The following HIVEP3 variants were observed in gnomAD, a reference collection of about 807,000 sequenced individuals.
The protein encoded by HIVEP3 is HIVEP zinc finger 3.
Under a neutral mutation model 152.8 loss-of-function variants are expected in HIVEP3, and 49 were observed. The ratio of observed to expected loss-of-function variants is 0.32; its 90% CI spans 0.26 to 0.41. The LOEUF (loss-of-function observed/expected upper bound fraction) is 0.41. HIVEP3 is among the 10% of genes least tolerant of loss of function. The pLI is 1.00. For missense variants in HIVEP3, 2,790 were observed against 3,103.3 expected, an observed-to-expected ratio of 0.90 and a Z score of 2.40; for synonymous variants, 1,269 against 1,289.0, an observed-to-expected ratio of 0.98 and a Z score of 0.33.
intron 1 of HIVEP3, among the ~76,000 whole-genome samples, chr1:41,739,854 A>G (rs1646971436): frequency 6.6e-6 from 1 of 152,234 alleles, no homozygotes; most frequent in Non-Finnish European, 1.5e-5. Flanking sequence ...AGTGTGCTTC[A>G]GAAGAGAGCA....
At chr1:41,997,528 G>GA (rs1340836478) in intron 1 of HIVEP3, among the ~76,000 whole-genome samples, 3 of 152,200 alleles carry the variant, frequency 2.0e-5, no homozygotes, top group African/African-American at 4.8e-5. Context: ...TTGAAGCCAA[G>GA]AAAATCTTAC....
intron 1 of HIVEP3, among the ~76,000 whole-genome samples, chr1:41,859,865 A>G (rs890246094): frequency 4.6e-5 from 7 of 152,210 alleles, no homozygotes; most frequent in Non-Finnish European, 1.0e-4. Flanking sequence ...GCCCGTTTTC[A>G]TAATTAGATG....
chr1:41,678,348 C>T (rs557856959), intron 2 of HIVEP3, among the ~76,000 whole-genome samples: 1 of 152,326 alleles, frequency 6.6e-6, no homozygotes, highest in Admixed American at 6.5e-5. Context: ...CTCCCCACTC[C>T]TCAGCTTAAC....
chr1:41,588,554 C>T (rs1425597702), intron 3 of HIVEP3, among the ~76,000 whole-genome samples: 1 of 151,914 alleles, frequency 6.6e-6, no homozygotes, highest in African/African-American at 2.4e-5. Flanking sequence ...AGGAGACAGT[C>T]AGATGACTGC....
chr1:41,815,292 A>G (rs1182652983), intron 1 of HIVEP3, among the ~76,000 whole-genome samples: 1 of 152,062 alleles, frequency 6.6e-6, no homozygotes, highest in African/African-American at 2.4e-5. Context: ...TGGGCAACAT[A>G]GTGGGACCCT....
chr1:41,637,779 A>G (rs1296894392), intron 2 of HIVEP3, among the ~76,000 whole-genome samples: 1 of 152,236 alleles, frequency 6.6e-6, no homozygotes, highest in Non-Finnish European at 1.5e-5. Context: ...CTAAGCATGT[A>G]TCACTTTTGT....
At chr1:41,951,035 T>C (rs111957424) in intron 1 of HIVEP3, among the ~76,000 whole-genome samples, 3 of 152,324 alleles carry the variant, frequency 2.0e-5, no homozygotes, top group African/African-American at 7.2e-5. Flanking sequence ...TGCAATCCCC[T>C]AGTTTCTGCT....
chr1:41,734,368 C>T (rs548869573), intron 1 of HIVEP3, among the ~76,000 whole-genome samples: 1 of 152,230 alleles, frequency 6.6e-6, no homozygotes, highest in Non-Finnish European at 1.5e-5. Flanking sequence ...CATGGCCCAG[C>T]GTTTGGCCCA....
intron 1 of HIVEP3, among the ~76,000 whole-genome samples, chr1:41,906,550 T>C (rs1195462680): frequency 6.6e-6 from 1 of 152,126 alleles, no homozygotes. Context: ...ACGAACTAAG[T>C]GTGACAGGCA....
At chr1:41,937,797 T>C (rs1352512020) in intron 1 of HIVEP3, among the ~76,000 whole-genome samples, 1 of 152,184 alleles carries the variant, frequency 6.6e-6, no homozygotes, top group Non-Finnish European at 1.5e-5. Context: ...GATTGGACAT[T>C]CTAGCACTTG....
chr1:41,974,804 C>T (rs1451151726), intron 1 of HIVEP3, among the ~76,000 whole-genome samples: 1 of 152,100 alleles, frequency 6.6e-6, no homozygotes, highest in Non-Finnish European at 1.5e-5. Context: ...GAGGCCGTAC[C>T]TATGGTAGTC....
chr1:41,920,271 G>A (rs1031298384), upstream of HIVEP3, among the ~76,000 whole-genome samples: 3 of 152,084 alleles, frequency 2.0e-5, no homozygotes, highest in Non-Finnish European at 4.4e-5. Context: ...TGGCTCTCCC[G>A]CGGCCACCAC....
chr1:41,599,884 G>A (rs575148105), intron 3 of HIVEP3, among the ~76,000 whole-genome samples: 4 of 152,106 alleles, frequency 2.6e-5, no homozygotes, highest in African/African-American at 9.6e-5. Flanking sequence ...CAAGCAAAAC[G>A]ATTTTTAAAA....
At chr1:41,878,402 A>G (rs568547645) in intron 1 of HIVEP3, among the ~76,000 whole-genome samples, 19 of 152,336 alleles carry the variant, frequency 1.2e-4, no homozygotes, top group African/African-American at 4.6e-4. Flanking sequence ...CCAGACCCCC[A>G]AGGCTCAGAA....
chr1:41,674,941 C>T (rs1645932387), intron 2 of HIVEP3, among the ~76,000 whole-genome samples: 1 of 152,142 alleles, frequency 6.6e-6, no homozygotes, highest in Non-Finnish European at 1.5e-5. Flanking sequence ...CCACACAGGT[C>T]CCATCCTCTG....
At chr1:41,783,947 G>A (rs1266967353) in intron 1 of HIVEP3, among the ~76,000 whole-genome samples, 2 of 152,200 alleles carry the variant, frequency 1.3e-5, no homozygotes, top group East Asian at 1.9e-4. Context: ...TTCTTGGGGT[G>A]GATTTAGAAT....
intron 2 of HIVEP3, among the ~76,000 whole-genome samples, chr1:41,696,063 G>A (rs1362284835): frequency 6.6e-6 from 1 of 152,116 alleles, no homozygotes; most frequent in Non-Finnish European, 1.5e-5. Context: ...TAATACACAG[G>A]GCCGTCTTCA....
rs600485 is a variant in HIVEP3, at chr1:41,519,054, G to A, written c.5384-566C>T. On this transcript the variant is annotated intron_variant, in intron 6 of 8. Coordinates refer to ENST00000372583, the MANE Select transcript of HIVEP3 (RefSeq NM_024503.5). ...GGGCAAATTTAATATTAGGCATGGC[G>A]AGAGGGCAGAAGGTGAGAGTAGGGA... Among the ~76,000 whole-genome samples the A allele has an allele frequency of 5.8e-3, 889 of 152,272 alleles. 3 individuals carry two copies. Among genetic ancestry groups the A allele is most frequent in the Non-Finnish European group, 0.01 (684 of 68,020 alleles).
chr1:41,670,376 T>C (rs1168725668), intron 2 of HIVEP3, among the ~76,000 whole-genome samples: 2 of 152,184 alleles, frequency 1.3e-5, no homozygotes, highest in African/African-American at 4.8e-5. Context: ...CCATGGCCCA[T>C]GTTTAGCAAA....
Sources: allele counts gnomAD v4.1 joint callset (sites outside exome capture counted in the v4.1 genomes callset), GRCh38; gene constraint gnomAD v4.1.1; transcripts MANE v1.5; gene names NCBI Gene and HGNC (gene_info 2026-07-23, HGNC 2026-07-21).